The following KPNB1 variants were observed in gnomAD, a reference collection of about 807,000 sequenced individuals.
KPNB1 encodes karyopherin subunit beta 1, also known as importin subunit beta-1.
Under a neutral mutation model 113.0 loss-of-function variants are expected in KPNB1, and 7 were observed. That is an observed-to-expected ratio of 0.06 (90% CI 0.04 to 0.12). KPNB1 has a LOEUF of 0.12. Ranked by LOEUF, KPNB1 falls within the 10% of genes least tolerant of loss-of-function variation. The pLI, the probability that KPNB1 is intolerant of heterozygous loss-of-function variation, is 1.00. For missense variants in KPNB1, 400 were observed against 1,054.8 expected, an observed-to-expected ratio of 0.38 and a Z score of 8.60; for synonymous variants, 363 against 378.6, an observed-to-expected ratio of 0.96 and a Z score of 0.48.
chr17:47,669,547 C>A, intron 10 of KPNB1, 131 bp from the exon 11 acceptor site: 1 of 612,514 alleles, frequency 1.6e-6, no homozygotes, highest in Non-Finnish European at 2.9e-6. Flanking sequence ...ACACCATGTC[C>A]TGTAAAATTA....
At position 47,658,662 on chromosome 17, in the gene KPNB1, T is replaced by A; in HGVS notation, c.636+2T>A. 1 of 1,611,910 alleles carries A rather than the reference T, an allele frequency of 6.2e-7. No homozygotes were observed. Among genetic ancestry groups the A allele is most frequent in the Non-Finnish European group, 8.5e-7 (1 of 1,179,066 alleles). ...ACCAAAGCAAACTTTGATAAAGAGG[T>A]AAGTTTTTTGACAATAAGGTATAGA... On this transcript the variant is annotated splice_donor_variant, in intron 5 of 21. Coordinates refer to ENST00000290158, the MANE Select transcript of KPNB1 (RefSeq NM_002265.6). LOFTEE classifies it high-confidence loss of function.
intron 2 of KPNB1, among the ~76,000 whole-genome samples, chr17:47,652,040 C>G (rs1278702140): frequency 6.6e-6 from 1 of 152,108 alleles, no homozygotes; most frequent in Non-Finnish European, 1.5e-5. Flanking sequence ...TATCACTTTT[C>G]CTTATAAATC....
At chr17:47,650,617 C>T (rs1254137892) in intron 2 of KPNB1, among the ~76,000 whole-genome samples, 173 bp downstream of exon 2, 1 of 150,362 alleles carries the variant, frequency 6.7e-6, no homozygotes, top group African/African-American at 2.4e-5. Context: ...ATCGGGAAGC[C>T]GGTGGGTGTG....
rs572741147 is a variant in KPNB1 at position 47,650,589 on chromosome 17, G to A, written c.99+145G>A. The A allele has an allele frequency of 2.3e-3, 1,611 of 709,908 alleles. 14 individuals are homozygous for A. In the African/African-American group the frequency reaches 0.029, roughly 13 times the overall value. The allele number at this position is 709,908 out of a possible 1,614,324, so 44.0% of individuals were successfully genotyped here. A position where few individuals can be genotyped will look rare whatever the true frequency, so the allele number is the denominator to read the frequency against. ...CCCCTCCCCCTCCCCCCCCAACCCG[G>A]TCCAACCTAACCCCGCCATCGGGAA... On this transcript the variant is annotated intron_variant, in intron 2 of 21. Coordinates refer to ENST00000290158, the MANE Select transcript of KPNB1 (RefSeq NM_002265.6).
At chr17:47,673,258 G>GT in intron 13 of KPNB1, 93 bp downstream of exon 13, 5 of 1,229,846 alleles carry the variant, frequency 4.1e-6, no homozygotes, top group Non-Finnish European at 5.8e-6. Flanking sequence ...TCTTTTTAGT[G>GT]TTTAAGTATA....
At chr17:47,669,335 C>T (rs559141138) in intron 10 of KPNB1, among the ~76,000 whole-genome samples, 9 of 152,222 alleles carry the variant, frequency 5.9e-5, no homozygotes, top group African/African-American at 1.9e-4. Context: ...GAACTCCTGA[C>T]CTCAAGCAAC....
At chr17:47,659,780 G>A (rs2030033971) in intron 5 of KPNB1, among the ~76,000 whole-genome samples, 1 of 152,114 alleles carries the variant, frequency 6.6e-6, no homozygotes, top group Admixed American at 6.5e-5. Flanking sequence ...TTTGGCACAT[G>A]CCTGTAATCC....
chr17:47,675,903 C>T lies in KPNB1; in HGVS notation c.1913-506C>T, dbSNP rs2030602781. On this transcript the variant is annotated intron_variant, in intron 15 of 21. Coordinates refer to ENST00000290158, the MANE Select transcript of KPNB1 (RefSeq NM_002265.6). ...CTGGTCTGTCAACATGTGACCACTC[C>T]TCTGAAAGGGCAAAGAAGTTAATTT... Among the ~76,000 whole-genome samples, 6 of 152,180 alleles carry T rather than the reference C, an allele frequency of 3.9e-5. No homozygotes were observed. The South Asian group carries it at 1.0e-3, about 26-fold the overall frequency.
chr17:47,663,027 A>T, intron 6 of KPNB1, 62 bp from the exon 7 acceptor site: 1 of 881,324 alleles, frequency 1.1e-6, no homozygotes, highest in South Asian at 1.3e-5. Context: ...ATTTGAGTGA[A>T]TCTAACTTTG....
chr17:47,654,432 A>G (rs954969356), intron 3 of KPNB1, among the ~76,000 whole-genome samples: 1 of 151,902 alleles, frequency 6.6e-6, no homozygotes, highest in Non-Finnish European at 1.5e-5. Context: ...AAAAAAAAAA[A>G]AAAAATTAGA....
chr17:47,661,229 GT>G, intron 6 of KPNB1, 51 bp downstream of exon 6: 3 of 1,338,158 alleles, frequency 2.2e-6, no homozygotes, highest in Non-Finnish European at 3.2e-6. Flanking sequence ...CTTAGGAAAT[GT>G]CAAATCTAAT....
At chr17:47,664,116 G>A (rs770900267) in intron 7 of KPNB1, 43 bp from the exon 8 acceptor site, 5 of 1,302,276 alleles carry the variant, frequency 3.8e-6, no homozygotes, top group Non-Finnish European at 5.6e-6. Flanking sequence ...GGACTCACTT[G>A]AATCAGTACT....
Position 47,680,674 on chromosome 17 carries a change from G to C in KPNB1, c.2630+5G>C. 1 of 1,612,954 alleles carries C rather than the reference G, an allele frequency of 6.2e-7. No homozygotes were observed. The highest frequency in any genetic ancestry group is 1.1e-5 in the South Asian group (1 of 90,948). ...GAAACTGAAGAACCAAGCTTGGTAAGATCTTGCCTCCACTGTCCTCTTTCT... is the reference window on the plus strand; with the variant it reads ...GAAACTGAAGAACCAAGCTTGGTAACATCTTGCCTCCACTGTCCTCTTTCT... On this transcript the variant is annotated splice_donor_5th_base_variant and intron_variant, in intron 21 of 21. Transcript: ENST00000290158.
chr17:47,650,543 C>G (rs1482273420), intron 2 of KPNB1, 99 bp downstream of exon 2: 1 of 920,406 alleles, frequency 1.1e-6, no homozygotes, highest in East Asian at 2.7e-5. Context: ...GAACCTACCC[C>G]GCCCCATCCC....
At chr17:47,654,111 TA>T (rs1308945518) in intron 3 of KPNB1, among the ~76,000 whole-genome samples, 4 of 151,228 alleles carry the variant, frequency 2.6e-5, no homozygotes, top group African/African-American at 7.3e-5. Flanking sequence ...ACCAACCCTT[TA>T]AAAAAAAATT....
rs3067142 is a variant in KPNB1 at position 47,653,271 on chromosome 17, A to ATTTTTTT, written c.282+410_282+416dup. ...GTACTTCTGGAGTACAGCTCAGGGAATTTTTTTTTTTTTTTTTTTTTGGAG... is the reference window on the plus strand; with the variant it reads ...GTACTTCTGGAGTACAGCTCAGGGAATTTTTTTTTTTTTTTTTTTTTTTTTTTTGGAG... On this transcript the variant is annotated intron_variant, in intron 3 of 21. Transcript: ENST00000290158. 2.2e-3 allele frequency among the ~76,000 whole-genome samples: 246 copies of ATTTTTTT among 109,792 alleles called. 10 individuals are homozygous for ATTTTTTT. The highest frequency in any genetic ancestry group is 5.2e-3 in the African/African-American group (140 of 26,962). 72.0% of individuals were successfully genotyped at this position (109,792 alleles called of 152,430 possible). A position where few individuals can be genotyped will look rare whatever the true frequency, so the allele number is the denominator to read the frequency against.
intron 9 of KPNB1, among the ~76,000 whole-genome samples, chr17:47,667,540 T>A (rs2030326244): frequency 6.6e-6 from 1 of 152,058 alleles, no homozygotes; most frequent in East Asian, 1.9e-4. Context: ...TGGACTTTAT[T>A]TATTATTATT....
chr17:47,677,025 T>G lies in KPNB1; in HGVS notation c.2001T>G (p.Cys667Trp). ...GLKNYAEYQV[C>W]LAAVGLVGDL... is the part of the protein sequence containing the mutation. ...ATTTCCTTGATTCTTGGCAGGTTTG[T>G]TTGGCAGCTGTGGGCTTAGTGGGAG... The change falls in exon 17 of 22, where the codon TGT becomes TGG. Residue 667 changes from cysteine (C) to tryptophan (W), a missense_variant. This residue lies in a region of KPNB1 where 115 missense variants were observed against 427.9 expected (regional missense o/e 0.27). Transcript: ENST00000290158. The G allele has an allele frequency of 6.2e-7, 1 of 1,613,372 alleles. No homozygotes were observed.
intron 4 of KPNB1, among the ~76,000 whole-genome samples, chr17:47,657,839 T>G (rs142659776): frequency 6.6e-6 from 1 of 152,338 alleles, no homozygotes; most frequent in African/African-American, 2.4e-5. Context: ...TGCAGGTGGT[T>G]TGCAGTGTTA....
Sources: allele counts gnomAD v4.1 joint callset (sites outside exome capture counted in the v4.1 genomes callset), GRCh38; gene constraint gnomAD v4.1.1; regional missense constraint gnomAD v4.1.1; transcripts MANE v1.5; gene names NCBI Gene and HGNC (gene_info 2026-07-23, HGNC 2026-07-21).